SPADH: variants seen among roughly 807,000 people sequenced by gnomAD.
SPADH encodes the protein spermadhesin family member, also known as CUB domain-containing protein.
the SPADH span, among the ~76,000 whole-genome samples, chr10:122,673,163 G>T: frequency 6.6e-6 from 1 of 152,208 alleles, no homozygotes; most frequent in Non-Finnish European, 1.5e-5. Flanking sequence ...GGGTTCCTGA[G>T]TTCCCGGTCT....
chr10:122,675,197 G>A, the SPADH span, among the ~76,000 whole-genome samples: 1 of 152,156 alleles, frequency 6.6e-6, no homozygotes, highest in African/African-American at 2.4e-5. Context: ...TCAGAGTTAA[G>A]GTAGCTGACT....
the SPADH span, among the ~76,000 whole-genome samples, chr10:122,678,201 A>T: frequency 7.2e-5 from 11 of 152,114 alleles, 1 homozygote; most frequent in South Asian, 2.3e-3. Flanking sequence ...AGGGGTGGAG[A>T]TTAGGACTGG....
At chr10:122,676,763 T>A in the SPADH span, 1 of 985,336 alleles carries the variant, frequency 1.0e-6, no homozygotes, top group Non-Finnish European at 1.2e-6. Context: ...TAGCACCCAG[T>A]GACTGTGGGG....
chr10:122,674,037 G>C, the SPADH span, among the ~76,000 whole-genome samples: 1 of 152,206 alleles, frequency 6.6e-6, no homozygotes, highest in African/African-American at 2.4e-5. Context: ...CTAACAGCTT[G>C]GTGGAAAAAT....
the SPADH span, among the ~76,000 whole-genome samples, chr10:122,673,853 G>T: frequency 2.6e-5 from 4 of 152,084 alleles, no homozygotes; most frequent in African/African-American, 9.7e-5. Flanking sequence ...CCCCATCACC[G>T]GGTGCTCTCC....
the SPADH span, among the ~76,000 whole-genome samples, chr10:122,677,780 C>G: frequency 2.0e-4 from 31 of 152,106 alleles, no homozygotes; most frequent in Non-Finnish European, 4.0e-4. Flanking sequence ...AAGGACACTT[C>G]GAGACACCTG....
At chr10:122,673,008 T>C in the SPADH span, 3 of 858,680 alleles carry the variant, frequency 3.5e-6, no homozygotes, top group Non-Finnish European at 4.2e-6. Context: ...AATTTGCTTA[T>C]TGCCAAGGAA....
chr10:122,676,538 T>C, the SPADH span, among the ~76,000 whole-genome samples: 1 of 152,324 alleles, frequency 6.6e-6, no homozygotes, highest in South Asian at 2.1e-4. Flanking sequence ...CATAAACAAA[T>C]TGTACTTTAA....
chr10:122,677,296 T>G, the SPADH span, among the ~76,000 whole-genome samples: 2 of 152,212 alleles, frequency 1.3e-5, no homozygotes, highest in African/African-American at 4.8e-5. Context: ...AGGGTTTTCA[T>G]GTTGTATTTC....
the SPADH span, among the ~76,000 whole-genome samples, chr10:122,678,349 G>T: frequency 6.6e-6 from 1 of 152,178 alleles, no homozygotes; most frequent in Non-Finnish European, 1.5e-5. Context: ...TTATGCTAGT[G>T]GGGGGTCATG....
the SPADH span, among the ~76,000 whole-genome samples, chr10:122,674,213 G>A: frequency 2.4e-4 from 37 of 152,300 alleles, no homozygotes; most frequent in East Asian, 6.4e-3. Flanking sequence ...CTGTAGAATC[G>A]GGGTGCCTCG....
At chr10:122,673,522 G>A in the SPADH span, among the ~76,000 whole-genome samples, 1 of 152,146 alleles carries the variant, frequency 6.6e-6, no homozygotes, top group East Asian at 1.9e-4. Flanking sequence ...CCTCTAGAGG[G>A]CTGGACCCTG....
At chr10:122,673,957 GATA>G in the SPADH span, among the ~76,000 whole-genome samples, 5 of 152,190 alleles carry the variant, frequency 3.3e-5, no homozygotes, top group Non-Finnish European at 5.9e-5. Flanking sequence ...TTCCAACTCA[GATA>G]ACAGCTTACA....
chr10:122,675,100 C>T, the SPADH span, among the ~76,000 whole-genome samples: 2 of 152,182 alleles, frequency 1.3e-5, no homozygotes, highest in South Asian at 2.1e-4. Flanking sequence ...CACTTCTACT[C>T]ACTTAAAAAT....
At chr10:122,678,762 A>G in the SPADH span, 1 of 204,494 alleles carries the variant, frequency 4.9e-6, no homozygotes, top group Non-Finnish European at 8.6e-6. Flanking sequence ...GTTGGGATCT[A>G]GTGTGGATTC....
the SPADH span, chr10:122,678,873 T>C: frequency 2.0e-6 from 2 of 984,572 alleles, no homozygotes; most frequent in Non-Finnish European, 2.4e-6. Context: ...AAAGAATACG[T>C]GGAAGTGCTG....
At chr10:122,676,790 A>T in the SPADH span, 1 of 985,344 alleles carries the variant, frequency 1.0e-6, no homozygotes, top group Non-Finnish European at 1.2e-6. Flanking sequence ...ACACAGATGA[A>T]TATGGCAGGA....
At chr10:122,677,360 T>C in the SPADH span, among the ~76,000 whole-genome samples, 1 of 152,164 alleles carries the variant, frequency 6.6e-6, no homozygotes, top group Non-Finnish European at 1.5e-5. Context: ...CTTTCCTGAC[T>C]CTCTGCAGAG....
the SPADH span, among the ~76,000 whole-genome samples, chr10:122,677,958 C>T: frequency 5.3e-5 from 8 of 152,280 alleles, no homozygotes; most frequent in Admixed American, 1.3e-4. Context: ...CCAAGGCCAG[C>T]GGGATGGGCG....
Sources: gnomAD v4.1 joint callset for allele counts (sites outside exome capture counted in the v4.1 genomes callset) on GRCh38, gnomAD v4.1.1 for gene constraint, MANE v1.5 for transcripts, NCBI Gene and HGNC (gene_info 2026-07-23, HGNC 2026-07-21) for gene names.